Variants in PKNOX2 observed in about 807,000 individuals in gnomAD.
The protein encoded by PKNOX2 is homeobox protein PKNOX2.
A neutral mutation model predicts 53.1 loss-of-function variants in PKNOX2; 14 were observed. The ratio of observed to expected loss-of-function variants is 0.26; its 90% confidence interval spans 0.17 to 0.41. PKNOX2 has a LOEUF of 0.41. Ranked by LOEUF, PKNOX2 falls within the 10% of genes least tolerant of loss-of-function variation. PKNOX2 has a pLI of 1.00. For synonymous variants in PKNOX2, 257 were observed against 242.8 expected, an observed-to-expected ratio of 1.06 and a Z score of -0.54; for missense variants, 496 against 602.8, an observed-to-expected ratio of 0.82 and a Z score of 1.85.
chr11:125,188,863 T>A (rs924268879), intron 1 of PKNOX2, among the ~76,000 whole-genome samples: 16 of 151,992 alleles, frequency 1.1e-4, no homozygotes, highest in African/African-American at 3.9e-4. Flanking sequence ...CCGCCTTTTT[T>A]TTTTCTTTTA....
chr11:125,293,876 C>T (rs1342514206), intron 2 of PKNOX2, among the ~76,000 whole-genome samples: 1 of 152,124 alleles, frequency 6.6e-6, no homozygotes, highest in Non-Finnish European at 1.5e-5. Context: ...CATCTCCCAT[C>T]TCCCTCTTAC....
intron 10 of PKNOX2, among the ~76,000 whole-genome samples, chr11:125,428,280 T>A (rs529604723): frequency 6.6e-6 from 1 of 152,140 alleles, no homozygotes; most frequent in Non-Finnish European, 1.5e-5. Flanking sequence ...TAAAGTGGCA[T>A]CATGAAGCAA....
intron 7 of PKNOX2, among the ~76,000 whole-genome samples, chr11:125,399,935 G>A (rs533354902): frequency 2.6e-5 from 4 of 152,320 alleles, no homozygotes; most frequent in Admixed American, 1.3e-4. Flanking sequence ...AAAGGATAAC[G>A]CGGACTCTGG....
At chr11:125,220,990 C>T (rs1222943799) in intron 1 of PKNOX2, among the ~76,000 whole-genome samples, 3 of 152,102 alleles carry the variant, frequency 2.0e-5, no homozygotes, top group Non-Finnish European at 2.9e-5. Flanking sequence ...CCCGACTCTA[C>T]TAGAAATACA....
At chr11:125,351,114 C>T (rs997117135) in intron 3 of PKNOX2, among the ~76,000 whole-genome samples, 170 bp from the exon 4 acceptor site, 5 of 152,174 alleles carry the variant, frequency 3.3e-5, no homozygotes, top group African/African-American at 7.2e-5. Context: ...CAAGCCCCTC[C>T]CCACCCAGGC....
At chr11:125,176,937 A>C (rs1955753303) in intron 1 of PKNOX2, among the ~76,000 whole-genome samples, 1 of 152,142 alleles carries the variant, frequency 6.6e-6, no homozygotes, top group Non-Finnish European at 1.5e-5. Flanking sequence ...AGCTTTAGAA[A>C]ATGCAGGCAT....
At chr11:125,247,494 C>T (rs1237780944) in intron 2 of PKNOX2, among the ~76,000 whole-genome samples, 1 of 152,196 alleles carries the variant, frequency 6.6e-6, no homozygotes, top group Non-Finnish European at 1.5e-5. Flanking sequence ...TCTCTTCTGC[C>T]TTGTCTGCAG....
intron 2 of PKNOX2, among the ~76,000 whole-genome samples, chr11:125,306,530 C>T (rs1948470110): frequency 6.6e-6 from 1 of 152,222 alleles, no homozygotes; most frequent in Non-Finnish European, 1.5e-5. Context: ...GTTATGTCCA[C>T]CATAAAACCC....
chr11:125,323,802 T>G lies in PKNOX2; in HGVS notation c.-129-8017T>G, dbSNP rs566347668. Among the ~76,000 whole-genome samples, 129 of 152,294 alleles carry G rather than the reference T, an allele frequency of 8.5e-4. 2 individuals are homozygous for G. The highest frequency in any genetic ancestry group is 2.9e-3 in the African/African-American group (122 of 41,554). ...TTCTGGCTGCTTACTGTGTGTGGCA[T>G]GACCCTGAACTGGAATCTGTGCCTT... On this transcript the variant is annotated intron_variant, in intron 2 of 12. Coordinates refer to ENST00000298282, the MANE Select transcript of PKNOX2 (RefSeq NM_001382323.2).
intron 5 of PKNOX2, among the ~76,000 whole-genome samples, chr11:125,384,333 T>C (rs987145454): frequency 2.6e-5 from 4 of 151,720 alleles, no homozygotes; most frequent in Non-Finnish European, 5.9e-5. Context: ...GGTTTGGCGG[T>C]GGGGGAATGG....
At chr11:125,328,340 A>AGCGGGG (rs1555154740) in intron 2 of PKNOX2, among the ~76,000 whole-genome samples, 1 of 151,830 alleles carries the variant, frequency 6.6e-6, no homozygotes, top group African/African-American at 2.4e-5. Flanking sequence ...CGGGGGAGAG[A>AGCGGGG]GAGAGAAAGA....
At chr11:125,302,376 G>A (rs571813006) in intron 2 of PKNOX2, among the ~76,000 whole-genome samples, 1 of 152,304 alleles carries the variant, frequency 6.6e-6, no homozygotes, top group Admixed American at 6.5e-5. Context: ...CTGAGGCCAC[G>A]TCTAGTCCAC....
At chr11:125,410,138 GC>G in intron 7 of PKNOX2, 57 bp from the exon 8 acceptor site, 6 of 1,593,448 alleles carry the variant, frequency 3.8e-6, no homozygotes, top group Non-Finnish European at 5.1e-6. Flanking sequence ...GGACTCTGGG[GC>G]TGTAGGGTCT....
In PKNOX2 at chr11:125,414,228, C is replaced by G. The variant is rs78695946; in HGVS notation, c.936+2363C>G. 4.6e-3 allele frequency among the ~76,000 whole-genome samples: 694 copies of G among 152,240 alleles called. 8 individuals are homozygous for G. The highest frequency in any genetic ancestry group is 0.015 in the African/African-American group (613 of 41,524). ...AGCTGAGCACAGAGTGAGGCAGGAC[C>G]CAGGCTGGCATCTACAGAAAGCACC... On this transcript the variant is annotated intron_variant, in intron 10 of 12. Coordinates refer to ENST00000298282, the MANE Select transcript of PKNOX2 (RefSeq NM_001382323.2).
At chr11:125,215,101 G>T (rs1940331900) in intron 1 of PKNOX2, among the ~76,000 whole-genome samples, 1 of 152,082 alleles carries the variant, frequency 6.6e-6, no homozygotes, top group South Asian at 2.1e-4. Context: ...TGGCAGCGTT[G>T]CTAGGTCCTG....
intron 1 of PKNOX2, among the ~76,000 whole-genome samples, chr11:125,175,470 G>T (rs1955649207): frequency 6.6e-6 from 1 of 152,220 alleles, no homozygotes; most frequent in South Asian, 2.1e-4. Context: ...TGAGCTCTGT[G>T]ATTTCTAGGT....
chr11:125,223,749 T>A (rs138673562), intron 1 of PKNOX2, among the ~76,000 whole-genome samples: 39 of 152,312 alleles, frequency 2.6e-4, no homozygotes, highest in African/African-American at 9.1e-4. Flanking sequence ...TCCTCCAGTA[T>A]TTTTATACTA....
chr11:125,405,676 C>T (rs1389395145), intron 7 of PKNOX2, among the ~76,000 whole-genome samples: 2 of 152,158 alleles, frequency 1.3e-5, no homozygotes, highest in Non-Finnish European at 2.9e-5. Flanking sequence ...GCAGCTGGCC[C>T]AGAGGATGGT....
chr11:125,299,544 C>A (rs892112127), intron 2 of PKNOX2, among the ~76,000 whole-genome samples: 2 of 152,108 alleles, frequency 1.3e-5, no homozygotes, highest in Non-Finnish European at 2.9e-5. Context: ...TGGGCACTGG[C>A]AGTGCCACTA....
Sources: allele counts gnomAD v4.1 joint callset (sites outside exome capture counted in the v4.1 genomes callset), GRCh38; gene constraint gnomAD v4.1.1; transcripts MANE v1.5; gene names NCBI Gene and HGNC (gene_info 2026-07-23, HGNC 2026-07-21).